Variants in DLG2 observed in about 807,000 individuals in gnomAD.
DLG2 encodes the protein disks large homolog 2.
Under a neutral mutation model 132.5 loss-of-function variants are expected in DLG2, and 45 were observed. The observed-to-expected ratio is 0.34, with a 90% CI of 0.27 to 0.44. DLG2 has a LOEUF of 0.44. Among genes scored for constraint, DLG2 ranks in the 20% least tolerant of loss-of-function variants. The pLI is 1.00. For missense variants in DLG2, 1,045 were observed against 1,196.9 expected, an observed-to-expected ratio of 0.87 and a Z score of 1.87; for synonymous variants, 424 against 419.6, an observed-to-expected ratio of 1.01 and a Z score of -0.13.
intron 7 of DLG2, among the ~76,000 whole-genome samples, chr11:84,278,208 C>A (rs780664620): frequency 6.6e-6 from 1 of 151,820 alleles, no homozygotes; most frequent in African/African-American, 2.4e-5. Context: ...TTATAAACAA[C>A]TTTTTCCCCC....
At chr11:83,634,922 CCTGCTCA>C (rs1368547267) in intron 18 of DLG2, among the ~76,000 whole-genome samples, 16 of 152,260 alleles carry the variant, frequency 1.1e-4, no homozygotes, top group African/African-American at 3.4e-4. Context: ...TGGAAGGCTT[CCTGCTCA>C]TGCTTAGCTT....
intron 5 of DLG2, among the ~76,000 whole-genome samples, chr11:85,148,281 G>T (rs1007322352): frequency 1.2e-4 from 18 of 152,136 alleles, no homozygotes; most frequent in Admixed American, 1.2e-3. Context: ...TAATGGGACT[G>T]CTGGGTCAAA....
intron 18 of DLG2, among the ~76,000 whole-genome samples, chr11:83,654,299 C>T (rs956782805): frequency 3.9e-5 from 6 of 152,158 alleles, no homozygotes; most frequent in Non-Finnish European, 7.3e-5. Context: ...GCCTGGCATT[C>T]GAGGCCAATT....
intron 6 of DLG2, among the ~76,000 whole-genome samples, chr11:84,770,125 C>G (rs182934342): frequency 1.3e-5 from 2 of 152,170 alleles, no homozygotes; most frequent in African/African-American, 4.8e-5. Flanking sequence ...GATCTGGTTG[C>G]TTAAAAGTGT....
At chr11:83,554,455 T>A (rs1013834787) in intron 19 of DLG2, among the ~76,000 whole-genome samples, 21 of 152,284 alleles carry the variant, frequency 1.4e-4, no homozygotes, top group Admixed American at 1.0e-3. Context: ...TTCATTGAGG[T>A]AACATATGTA....
chr11:83,835,782 T>C (rs1175658185), intron 16 of DLG2, among the ~76,000 whole-genome samples: 2 of 152,214 alleles, frequency 1.3e-5, no homozygotes, highest in Non-Finnish European at 2.9e-5. Context: ...TCAGCTTTAT[T>C]GCAAATTTCT....
intron 14 of DLG2, among the ~76,000 whole-genome samples, chr11:83,941,458 C>CA (rs2082650428): frequency 6.6e-6 from 1 of 151,754 alleles, no homozygotes; most frequent in African/African-American, 2.4e-5. Flanking sequence ...TGCAGGGTTG[C>CA]AATCTCAACT....
chr11:83,626,395 T>A (rs2062535089), intron 19 of DLG2, among the ~76,000 whole-genome samples: 1 of 152,234 alleles, frequency 6.6e-6, no homozygotes, highest in Non-Finnish European at 1.5e-5. Context: ...TATTCATCAC[T>A]GTGCCCTTAA....
intron 18 of DLG2, among the ~76,000 whole-genome samples, chr11:83,659,892 A>G (rs2073796438): frequency 6.6e-6 from 1 of 152,216 alleles, no homozygotes; most frequent in South Asian, 2.1e-4. Flanking sequence ...TTAAGGGGTC[A>G]TGTCATTCTT....
chr11:85,115,724 T>A (rs543853181), intron 5 of DLG2, among the ~76,000 whole-genome samples: 2 of 152,050 alleles, frequency 1.3e-5, no homozygotes, highest in South Asian at 4.1e-4. Context: ...AAGAGGGCGT[T>A]ACAGGCTAAA....
intron 6 of DLG2, among the ~76,000 whole-genome samples, chr11:84,818,421 CA>C (rs1477925787): frequency 3.3e-5 from 5 of 151,788 alleles, no homozygotes; most frequent in African/African-American, 1.2e-4. Flanking sequence ...ATAACTTTCC[CA>C]TTTATTATTT....
intron 11 of DLG2, among the ~76,000 whole-genome samples, chr11:84,048,641 C>T (rs2096287794): frequency 6.6e-6 from 1 of 151,578 alleles, no homozygotes; most frequent in African/African-American, 2.4e-5. Context: ...TAAGAAAATG[C>T]ATGAGGTCCC....
At chr11:85,071,668 G>GA (rs1353194467) in intron 6 of DLG2, among the ~76,000 whole-genome samples, 3 of 151,608 alleles carry the variant, frequency 2.0e-5, no homozygotes, top group Non-Finnish European at 4.4e-5. Context: ...TCCACTAAAT[G>GA]AAAAAAATTC....
intron 3 of DLG2, among the ~76,000 whole-genome samples, chr11:85,448,514 T>C (rs1326683745): frequency 6.6e-6 from 1 of 152,166 alleles, no homozygotes; most frequent in Non-Finnish European, 1.5e-5. Context: ...TATGCTGCCA[T>C]TATAAAGTAT....
intron 6 of DLG2, among the ~76,000 whole-genome samples, chr11:84,636,673 T>A (rs555661313): frequency 1.3e-5 from 2 of 152,304 alleles, no homozygotes; most frequent in African/African-American, 2.4e-5. Flanking sequence ...AATGTTATAT[T>A]TATTTATTCT....
intron 6 of DLG2, among the ~76,000 whole-genome samples, chr11:85,005,482 T>C (rs1483420899): frequency 6.6e-6 from 1 of 152,236 alleles, no homozygotes; most frequent in Non-Finnish European, 1.5e-5. Context: ...TAATTCTCTT[T>C]GTAGCAATTC....
At chr11:84,748,732 G>A (rs2065719229) in intron 6 of DLG2, among the ~76,000 whole-genome samples, 1 of 152,100 alleles carries the variant, frequency 6.6e-6, no homozygotes. Context: ...AAGTCATCTT[G>A]GTATATTTGG....
chr11:85,140,086 C>G (rs2076369007), intron 5 of DLG2, among the ~76,000 whole-genome samples: 1 of 151,932 alleles, frequency 6.6e-6, no homozygotes, highest in African/African-American at 2.4e-5. Flanking sequence ...ACTTATTTCC[C>G]CATCTTGGCT....
At chr11:84,239,457 C>A (rs1055286769) in intron 8 of DLG2, among the ~76,000 whole-genome samples, 1 of 152,136 alleles carries the variant, frequency 6.6e-6, no homozygotes, top group Non-Finnish European at 1.5e-5. Flanking sequence ...GCTGGGATTA[C>A]AGGCATGAGT....
Sources: gnomAD v4.1 joint callset for allele counts (sites outside exome capture counted in the v4.1 genomes callset) on GRCh38, gnomAD v4.1.1 for gene constraint, MANE v1.5 for transcripts, NCBI Gene and HGNC (gene_info 2026-07-23, HGNC 2026-07-21) for gene names.